The following MEI4 variants were observed in gnomAD, a reference collection of about 807,000 sequenced individuals.
The protein encoded by MEI4 is meiotic double-stranded break formation protein 4, also known as meiosis-specific protein MEI4.
A neutral mutation model predicts 31.4 loss-of-function variants in MEI4; 27 were observed. The observed-to-expected ratio is 0.86, with a 90% confidence interval of 0.63 to 1.19. MEI4 has a LOEUF of 1.19. MEI4 is among the 50% of genes most tolerant of loss of function. The pLI, the probability that MEI4 is intolerant of heterozygous loss-of-function variation, is 0.00. For synonymous variants in MEI4, 122 were observed against 145.4 expected (o/e 0.84, Z 1.16); for missense variants, 329 against 398.9 (o/e 0.82, Z 1.49).
rs576028479 is a variant in MEI4 at position 77,760,847 on chromosome 6, C to A, written c.233-283C>A. Among the ~76,000 whole-genome samples, 11 of 152,258 alleles carry A rather than the reference C, an allele frequency of 7.2e-5. No individual in the cohort carries two copies. The South Asian group carries it at 2.3e-3, about 32-fold the overall frequency. On this transcript the variant is annotated intron_variant, in intron 2 of 4. Transcript: ENST00000684080. ...CCTTCAGGTCTTGTGGCTTTCTCTT[C>A]TGCATCTTTCAAGCATGGCATTGTA...
chr6:77,878,220 A>AT (rs1197371902), intron 4 of MEI4, among the ~76,000 whole-genome samples: 1 of 136,146 alleles, frequency 7.3e-6, no homozygotes, highest in Non-Finnish European at 1.7e-5. Context: ...AAGTAAATAC[A>AT]TAAAAAAACC....
intron 3 of MEI4, among the ~76,000 whole-genome samples, chr6:77,798,066 T>G (rs1769129565): frequency 6.6e-6 from 1 of 152,248 alleles, no homozygotes; most frequent in East Asian, 1.9e-4. Flanking sequence ...TAGAATAAGT[T>G]TGCTTTATTT....
intron 2 of MEI4, among the ~76,000 whole-genome samples, chr6:77,754,617 G>C (rs1019835569): frequency 6.6e-6 from 1 of 152,160 alleles, no homozygotes; most frequent in Non-Finnish European, 1.5e-5. Context: ...ACTCTATGCA[G>C]TACCAATTTC....
chr6:77,838,299 A>C (rs893897960), intron 4 of MEI4, among the ~76,000 whole-genome samples: 2 of 152,044 alleles, frequency 1.3e-5, no homozygotes, highest in African/African-American at 4.8e-5. Flanking sequence ...CATCCTCTCA[A>C]CATAAATATT....
At chr6:77,915,269 C>G (rs190276038) in intron 4 of MEI4, among the ~76,000 whole-genome samples, 1 of 151,434 alleles carries the variant, frequency 6.6e-6, no homozygotes, top group South Asian at 2.1e-4. Context: ...TGGTAGATAT[C>G]TTCATTTCAC....
intron 1 of MEI4, among the ~76,000 whole-genome samples, chr6:77,657,984 G>A (rs778313297): frequency 4.6e-5 from 7 of 152,206 alleles, no homozygotes; most frequent in Non-Finnish European, 1.0e-4. Flanking sequence ...ATTTGGAGGC[G>A]TGAGCCTGGG....
chr6:77,891,802 A>G (rs1158481586), intron 4 of MEI4, among the ~76,000 whole-genome samples: 1 of 152,108 alleles, frequency 6.6e-6, no homozygotes, highest in Non-Finnish European at 1.5e-5. Context: ...TGTTGTATCT[A>G]TAATGTTGAT....
intron 4 of MEI4, among the ~76,000 whole-genome samples, chr6:77,907,030 T>C (rs1766311801): frequency 1.6e-5 from 1 of 61,926 alleles, no homozygotes; most frequent in South Asian, 3.8e-4. Context: ...TTCTAGATCT[T>C]GGCTATTTTT....
intron 3 of MEI4, among the ~76,000 whole-genome samples, chr6:77,772,164 C>G (rs1768333783): frequency 6.6e-6 from 1 of 151,270 alleles, no homozygotes; most frequent in Non-Finnish European, 1.5e-5. Flanking sequence ...CAATCCTGCT[C>G]AAACTCTTCT....
At chr6:77,856,965 CA>C (rs779620281) in intron 4 of MEI4, among the ~76,000 whole-genome samples, 3 of 152,086 alleles carry the variant, frequency 2.0e-5, no homozygotes, top group Admixed American at 1.3e-4. Context: ...ATCTCCTTAC[CA>C]CAATTTTGAT....
chr6:77,750,459 G>A (rs1020977601), intron 2 of MEI4, among the ~76,000 whole-genome samples: 1 of 152,072 alleles, frequency 6.6e-6, no homozygotes, highest in Admixed American at 6.6e-5. Context: ...AAGAAAGCAG[G>A]TATTGCAATC....
At chr6:77,795,695 A>G (rs755433974) in intron 3 of MEI4, among the ~76,000 whole-genome samples, 1 of 151,936 alleles carries the variant, frequency 6.6e-6, no homozygotes, top group Non-Finnish European at 1.5e-5. Context: ...GAAATACACA[A>G]CCTACCAAGA....
At chr6:77,733,600 T>G (rs1335420862) in intron 2 of MEI4, among the ~76,000 whole-genome samples, 1 of 152,034 alleles carries the variant, frequency 6.6e-6, no homozygotes, top group East Asian at 1.9e-4. Flanking sequence ...ATTAATTTTT[T>G]GAAGGGTTTT....
intron 3 of MEI4, among the ~76,000 whole-genome samples, chr6:77,818,070 T>A (rs1425274820): frequency 6.6e-6 from 1 of 152,214 alleles, no homozygotes; most frequent in Admixed American, 6.5e-5. Context: ...AATGTGGCAT[T>A]AAATTAGAGC....
At chr6:77,699,885 A>C (rs1766172848) in intron 2 of MEI4, among the ~76,000 whole-genome samples, 1 of 150,888 alleles carries the variant, frequency 6.6e-6, no homozygotes, top group South Asian at 2.1e-4. Context: ...CAGTGGCTGC[A>C]GAACAGCGGT....
chr6:77,849,960 G>A (rs149237396), intron 4 of MEI4, among the ~76,000 whole-genome samples: 2 of 152,156 alleles, frequency 1.3e-5, no homozygotes, highest in Non-Finnish European at 2.9e-5. Flanking sequence ...AAAAGCAGTG[G>A]CAGAACGCGG....
At chr6:77,683,060 C>T (rs1299162081) in intron 1 of MEI4, among the ~76,000 whole-genome samples, 1 of 152,014 alleles carries the variant, frequency 6.6e-6, no homozygotes, top group Non-Finnish European at 1.5e-5. Flanking sequence ...TCTTATTCCC[C>T]TTGTCTACAC....
intron 2 of MEI4, among the ~76,000 whole-genome samples, chr6:77,700,961 TAGAA>T (rs1766208689): frequency 2.0e-5 from 3 of 151,974 alleles, no homozygotes; most frequent in South Asian, 2.1e-4. Context: ...AAAAGGAAAG[TAGAA>T]AGGAAGGAAG....
intron 2 of MEI4, among the ~76,000 whole-genome samples, chr6:77,735,467 C>A (rs995417302): frequency 6.6e-6 from 1 of 152,008 alleles, no homozygotes; most frequent in Non-Finnish European, 1.5e-5. Context: ...GTTCTCGAGC[C>A]TTGGTTTTCA....
Sources: allele counts gnomAD v4.1 joint callset (sites outside exome capture counted in the v4.1 genomes callset), GRCh38; gene constraint gnomAD v4.1.1; transcripts MANE v1.5; gene names NCBI Gene and HGNC (gene_info 2026-07-23, HGNC 2026-07-21).